BIRC6: variants seen among roughly 807,000 people sequenced by gnomAD.
BIRC6 encodes baculoviral IAP repeat containing 6.
In BIRC6, 98 loss-of-function variants were observed where a neutral mutation model predicts 503.3. That is an observed-to-expected ratio of 0.19 (90% confidence interval 0.17 to 0.23). The LOEUF (loss-of-function observed/expected upper bound fraction) is 0.23, where lower values mean the gene tolerates loss of function less well. Among genes scored for constraint, BIRC6 ranks in the 10% least tolerant of loss-of-function variants. BIRC6 has a pLI of 1.00. For missense variants in BIRC6, 5,360 were observed against 5,806.0 expected (o/e 0.92, Z 2.50); for synonymous variants, 2,240 against 2,078.7 (o/e 1.08, Z -2.11).
chr2:32,499,634 A>G lies in BIRC6; in HGVS notation c.8556A>G (p.Ser2852=). Reference sequence around the variant, plus strand: ...TGGAGCAGAATTTTGAAGTCGTTTCAGTTAGTACTATTTCTGCCGTGATAG... The same window carrying G: ...TGGAGCAGAATTTTGAAGTCGTTTCGGTTAGTACTATTTCTGCCGTGATAG... ...FTLEQNFEVV[S]VSTISAVIES... The change falls in exon 46 of 74, where the codon TCA becomes TCG. Residue 2852 remains serine, a synonymous_variant. Coordinates refer to ENST00000421745, the MANE Select transcript of BIRC6 (RefSeq NM_016252.4). 1.2e-6 allele frequency: 2 copies of G among 1,613,928 alleles called. No homozygotes were observed. The highest frequency in any genetic ancestry group is 1.7e-6 in the Non-Finnish European group (2 of 1,179,860).
chr2:32,427,110 C>G (rs2043593545), intron 10 of BIRC6, among the ~76,000 whole-genome samples: 1 of 151,858 alleles, frequency 6.6e-6, no homozygotes, highest in Non-Finnish European at 1.5e-5. Flanking sequence ...TGTGTTTATC[C>G]TATTTGAGGG....
At chr2:32,479,345 T>A in intron 36 of BIRC6, 117 bp from the exon 37 acceptor site, 1 of 988,698 alleles carries the variant, frequency 1.0e-6, no homozygotes, top group Non-Finnish European at 1.5e-6. Flanking sequence ...TCAGATTCTT[T>A]TATAGTTAGT....
chr2:32,382,710 T>C (rs2037852196), intron 3 of BIRC6, among the ~76,000 whole-genome samples: 1 of 152,204 alleles, frequency 6.6e-6, no homozygotes, highest in South Asian at 2.1e-4. Context: ...ACAAAACTAT[T>C]ATGCTTTTTA....
At chr2:32,393,251 CAT>C (rs1166622310) in intron 5 of BIRC6, among the ~76,000 whole-genome samples, 2 of 151,742 alleles carry the variant, frequency 1.3e-5, no homozygotes, top group African/African-American at 4.8e-5. Context: ...GAAAAACAGT[CAT>C]AGTTTTGTGT....
At chr2:32,550,565 A>G (rs1159513439) in intron 65 of BIRC6, among the ~76,000 whole-genome samples, 1 of 151,972 alleles carries the variant, frequency 6.6e-6, no homozygotes, top group Admixed American at 6.6e-5. Context: ...TTAATTTTAG[A>G]TTATATAGAA....
intron 5 of BIRC6, among the ~76,000 whole-genome samples, chr2:32,393,611 C>T (rs973992102): frequency 2.6e-5 from 4 of 152,200 alleles, no homozygotes; most frequent in African/African-American, 9.7e-5. Context: ...ACTGCAGCCT[C>T]AGCTTCCAAA....
intron 9 of BIRC6, among the ~76,000 whole-genome samples, chr2:32,409,693 A>G (rs903705516): frequency 1.3e-5 from 2 of 152,208 alleles, no homozygotes; most frequent in Non-Finnish European, 2.9e-5. Context: ...GAGTGCCTAG[A>G]TAAAACCTAA....
Position 32,618,492 on chromosome 2 carries a change from C to A in BIRC6, c.*588C>A, listed in dbSNP as rs1307769583. ...AAAATGCATTATATCTGGAGACTTG[C>A]ACTTGTATGGATGAATTTATTACAT... On this transcript the variant is annotated 3_prime_UTR_variant, in exon 74 of 74. Coordinates refer to ENST00000421745, the MANE Select transcript of BIRC6 (RefSeq NM_016252.4). 1 of 152,384 alleles carries A rather than the reference C, an allele frequency of 6.6e-6. No individual in the cohort carries two copies. The highest frequency in any genetic ancestry group is 1.9e-4 in the East Asian group (1 of 5,192). The allele number at this position is 152,384 out of a possible 1,614,324, so 9.4% of individuals were successfully genotyped here. A position where few individuals can be genotyped will look rare whatever the true frequency, so the allele number is the denominator to read the frequency against.
intron 61 of BIRC6, among the ~76,000 whole-genome samples, chr2:32,539,667 A>G (rs999347368): frequency 1.4e-4 from 21 of 152,170 alleles, no homozygotes; most frequent in Non-Finnish European, 2.2e-4. Context: ...ACAGCAGTCT[A>G]TAGAGAGATT....
In BIRC6 at chr2:32,531,528, C is replaced by T; in HGVS notation, c.12268C>T (p.Leu4090=). 1 of 1,612,534 alleles carries T rather than the reference C, an allele frequency of 6.2e-7. No homozygotes were observed. Among genetic ancestry groups the T allele is most frequent in the East Asian group, 2.2e-5 (1 of 44,854 alleles). ...LALIAERLPM[L]YPEVIQQVSA... ...TCTTATTGCTGAAAGACTACCCATG[C>T]TATATCCAGAAGTAATTCAACAGGT... The change falls in exon 61 of 74, where the codon CTA becomes TTA. Residue 4090 remains leucine, a synonymous_variant. Coordinates refer to ENST00000421745, the MANE Select transcript of BIRC6 (RefSeq NM_016252.4).
At chr2:32,482,753 A>G (rs1202671472) in intron 39 of BIRC6, among the ~76,000 whole-genome samples, 171 bp downstream of exon 39, 1 of 152,044 alleles carries the variant, frequency 6.6e-6, no homozygotes, top group African/African-American at 2.4e-5. Flanking sequence ...CTTTAGAGGA[A>G]CTTCTATCTT....
At chr2:32,570,661 G>A (rs1312994738) in intron 65 of BIRC6, among the ~76,000 whole-genome samples, 2 of 150,908 alleles carry the variant, frequency 1.3e-5, no homozygotes, top group Non-Finnish European at 2.9e-5. Flanking sequence ...CACAACACCC[G>A]GCTAATTTTT....
intron 22 of BIRC6, chr2:32,449,178 T>G (rs1044143375): frequency 6.1e-6 from 2 of 326,482 alleles, no homozygotes; most frequent in African/African-American, 4.3e-5. Context: ...TGTTATGCAT[T>G]TCATTTCAGT....
intron 69 of BIRC6, among the ~76,000 whole-genome samples, chr2:32,598,415 G>A (rs1214283754): frequency 6.6e-6 from 1 of 151,972 alleles, no homozygotes; most frequent in Non-Finnish European, 1.5e-5. Flanking sequence ...CTTCTCTCAT[G>A]TTTTTTAGTG....
chr2:32,404,155 C>G (rs568408009), intron 8 of BIRC6, among the ~76,000 whole-genome samples: 4 of 152,028 alleles, frequency 2.6e-5, no homozygotes, highest in Non-Finnish European at 5.9e-5. Context: ...TTCTCGAACT[C>G]CGGACCTCAG....
chr2:32,466,332 T>G (rs3769597), intron 26 of BIRC6, among the ~76,000 whole-genome samples: 74,805 of 151,964 alleles, frequency 0.49, 18,935 homozygotes, highest in Middle Eastern at 0.57. Flanking sequence ...GTAATGTGGG[T>G]GAAATGAGGG....
chr2:32,361,884 G>A (rs139058194), intron 1 of BIRC6, among the ~76,000 whole-genome samples: 274 of 152,144 alleles, frequency 1.8e-3, no homozygotes, highest in Admixed American at 4.8e-3. Flanking sequence ...CCTTTTTAGC[G>A]CTAAATAATA....
In BIRC6 at chr2:32,477,599, G is replaced by T; in HGVS notation, c.7068+16G>T. On this transcript the variant is annotated intron_variant, in intron 35 of 73. Transcript: ENST00000421745. ...TGTTTGTAAGGTATGTAAACTATAA[G>T]TGTAGACTTACAGGGTTGGCCGGGC... 1 of 1,606,436 alleles carries T rather than the reference G, an allele frequency of 6.2e-7. No homozygotes were observed. The highest frequency in any genetic ancestry group is 1.7e-4 in the Middle Eastern group (1 of 5,978).
At chr2:32,440,119 C>G (rs1045319041) in intron 16 of BIRC6, among the ~76,000 whole-genome samples, 1 of 152,196 alleles carries the variant, frequency 6.6e-6, no homozygotes, top group Non-Finnish European at 1.5e-5. Context: ...CTCAGGTGAT[C>G]TGCCCACCTT....
Sources: allele counts gnomAD v4.1 joint callset (sites outside exome capture counted in the v4.1 genomes callset), GRCh38; gene constraint gnomAD v4.1.1; transcripts MANE v1.5; gene names NCBI Gene and HGNC (gene_info 2026-07-23, HGNC 2026-07-21).